Variants in CDH26 observed in about 807,000 individuals in gnomAD.
CDH26 encodes the protein cadherin 26, also known as cadherin-like protein 26.
CDH26 carries 83 observed loss-of-function variants against 90.3 expected under a neutral mutation model. The observed-to-expected ratio is 0.92, with a 90% CI of 0.77 to 1.10. The LOEUF is 1.10. CDH26 is among the 50% of genes least tolerant of loss of function. The probability of loss-of-function intolerance (pLI) is 0.00; values close to 1 mark genes in which losing one functional copy is unlikely to be tolerated. For synonymous variants in CDH26, 397 were observed against 396.3 expected, an observed-to-expected ratio of 1.00 and a Z score of -0.02; for missense variants, 1,013 against 1,037.6, an observed-to-expected ratio of 0.98 and a Z score of 0.33.
In CDH26 at chr20:59,994,317, G is replaced by A. The variant is rs746487615; in HGVS notation, c.1494G>A (p.Pro498=). The change falls in exon 11 of 18, where the codon CCG becomes CCA. Residue 498 remains proline (P), a synonymous_variant. Coordinates refer to ENST00000348616, the MANE Select transcript of CDH26 (RefSeq NM_177980.4). ...LFLSDINDNV[P]TLRPRSRYME... ...TGTCTGACATCAATGACAACGTCCC[G>A]ACTCTCCGGCCACGTTCCCGCTACA... 6.2e-6 allele frequency: 10 copies of A among 1,613,702 alleles called. No individual in the cohort carries two copies. The East Asian group carries it at 1.3e-4, about 22-fold the overall frequency.
intron 15 of CDH26, among the ~76,000 whole-genome samples, chr20:60,002,397 C>A (rs539745349): frequency 2.6e-5 from 4 of 151,872 alleles, no homozygotes; most frequent in Middle Eastern, 3.4e-3. Flanking sequence ...CTCTAAAGAA[C>A]CTCTGCTTGG....
chr20:60,012,647 T>G lies in CDH26; in HGVS notation c.2416T>G (p.Leu806Val). Reference protein sequence around the residue: ...LSSLASLEQELQPDLLDSLGS... With the variant: ...LSSLASLEQEVQPDLLDSLGS... ...CTCTCTGGCCAGCTTGGAACAGGAG[T>G]TGCAACCTGATTTGCTGGACTCTTT... Residue 806 changes from leucine to valine, a missense_variant, in exon 18 of 18, where the codon TTG becomes GTG. By Grantham distance (32) the Leu-to-Val change is conservative. Coordinates refer to ENST00000348616, the MANE Select transcript of CDH26 (RefSeq NM_177980.4). 6.2e-7 allele frequency: 1 copy of G among 1,613,926 alleles called. No homozygotes were observed. The highest frequency in any genetic ancestry group is 8.5e-7 in the Non-Finnish European group (1 of 1,179,980).
chr20:59,972,832 A>G (rs564765363), intron 4 of CDH26, among the ~76,000 whole-genome samples: 1 of 152,322 alleles, frequency 6.6e-6, no homozygotes, highest in East Asian at 1.9e-4. Context: ...GTTGATTAAC[A>G]TTCAAGAAAA....
rs748686551 is a variant in CDH26, at chr20:60,012,568, C to T, written c.2337C>T (p.Tyr779=). 6.2e-7 allele frequency: 1 copy of T among 1,614,150 alleles called. No individual in the cohort carries two copies. Among genetic ancestry groups the T allele is most frequent in the Admixed American group, 1.7e-5 (1 of 60,016 alleles). ...ATGTGCTGGAAGATGACCCCGGCTA[C>T]CTACCTCACGTCTACAGCGAGGAAG... The part of the protein sequence containing the change: ...VANVLEDDPG[Y]LPHVYSEEGE... The change falls in exon 18 of 18, where the codon TAC becomes TAT. Residue 779 remains tyrosine (Y), a synonymous_variant. Coordinates refer to ENST00000348616, the MANE Select transcript of CDH26 (RefSeq NM_177980.4).
chr20:59,968,045 C>A (rs1307952536), intron 1 of CDH26, among the ~76,000 whole-genome samples: 1 of 129,138 alleles, frequency 7.7e-6, no homozygotes, highest in African/African-American at 4.0e-5. Flanking sequence ...CTCTCTCTCT[C>A]TCTCTCTGTC....
intron 4 of CDH26, among the ~76,000 whole-genome samples, chr20:59,978,729 A>C (rs1170492606): frequency 6.6e-6 from 1 of 152,126 alleles, no homozygotes; most frequent in Non-Finnish European, 1.5e-5. Context: ...ATTTTGTACA[A>C]TATATGAAAA....
intron 13 of CDH26, among the ~76,000 whole-genome samples, chr20:59,998,268 G>C (rs984187816): frequency 1.3e-5 from 2 of 152,194 alleles, no homozygotes; most frequent in Non-Finnish European, 1.5e-5. Flanking sequence ...GAGGGAGAGA[G>C]TGAAAGCTGC....
At chr20:60,000,503 G>T (rs748123426) in intron 14 of CDH26, among the ~76,000 whole-genome samples, 14 of 152,210 alleles carry the variant, frequency 9.2e-5, no homozygotes, top group Non-Finnish European at 1.9e-4. Context: ...TTGCCTCCTG[G>T]GCTGGCGAGA....
chr20:60,014,866 G>A (rs1223314911), downstream of CDH26, among the ~76,000 whole-genome samples: 1 of 152,138 alleles, frequency 6.6e-6, no homozygotes, highest in East Asian at 1.9e-4. Flanking sequence ...GAGTTTTTGA[G>A]GAACCTCCAT....
chr20:59,967,813 ATTTCTTTCTTTCTTTCTTTC>A lies in CDH26; in HGVS notation c.70-1107_70-1088del, dbSNP rs1204879152. 4.9e-3 allele frequency among the ~76,000 whole-genome samples: 216 copies of A among 44,034 alleles called. 3 individuals carry two copies. The highest frequency in any genetic ancestry group is 0.013 in the African/African-American group (149 of 11,594). 28.9% of individuals were successfully genotyped at this position (44,034 alleles called of 152,430 possible). A position where few individuals can be genotyped will look rare whatever the true frequency, so the allele number is the denominator to read the frequency against. The stretch of plus-strand genomic sequence containing the variant: ...CCTTCCCTCCCTCCCTCCCTCCCTC[ATTTCTTTCTTTCTTTCTTTC>A]TTTCTTTCTTTCTTTCTTTCTTTCT... On this transcript the variant is annotated intron_variant, in intron 1 of 17. Coordinates refer to ENST00000348616, the MANE Select transcript of CDH26 (RefSeq NM_177980.4).
chr20:59,992,662 AT>A lies in CDH26; in HGVS notation c.1426+147del. The A allele has an allele frequency of 1.2e-6, 1 of 812,656 alleles. No homozygotes were observed. The highest frequency in any genetic ancestry group is 1.9e-6 in the Non-Finnish European group (1 of 522,118). The allele number at this position is 812,656 out of a possible 1,614,324, so 50.3% of individuals were successfully genotyped here. ...TCACTCTGCATCCATGCTGGTGATT[AT>A]TTTTGGTAATAATTCTTAAAATGGT... is the stretch of plus-strand genomic sequence containing the variant. On this transcript the variant is annotated intron_variant, in intron 10 of 17. Coordinates refer to ENST00000348616, the MANE Select transcript of CDH26 (RefSeq NM_177980.4). The surrounding 1 kb of genome is among the most constrained non-coding windows in gnomAD (Gnocchi z 5.0).
At chr20:59,983,869 C>T (rs1252095914) in intron 5 of CDH26, among the ~76,000 whole-genome samples, 2 of 152,034 alleles carry the variant, frequency 1.3e-5, no homozygotes, top group African/African-American at 2.4e-5. Flanking sequence ...CTGTTTGTAA[C>T]CTGATATTTT....
chr20:60,027,811 T>C (rs1249169987), intron 7 of CDH26, among the ~76,000 whole-genome samples: 1 of 152,250 alleles, frequency 6.6e-6, no homozygotes, highest in Non-Finnish European at 1.5e-5. Context: ...TTTGATTTTA[T>C]TTAATTTTAA....
chr20:59,996,161 G>C, intron 12 of CDH26, 107 bp downstream of exon 12: 3 of 1,180,814 alleles, frequency 2.5e-6, no homozygotes, highest in East Asian at 2.6e-5. Context: ...AGGATTGGTG[G>C]AATGGCTTTG....
At position 60,012,592 on chromosome 20, in the gene CDH26, A is replaced by C; in HGVS notation, c.2361A>C (p.Glu787Asp). Reference protein sequence around the residue: ...PGYLPHVYSEEGECGGAPSLS... With the variant: ...PGYLPHVYSEDGECGGAPSLS... ...ACCTACCTCACGTCTACAGCGAGGA[A>C]GGGGAGTGTGGAGGGGCCCCATCCC... The change falls in exon 18 of 18, where the codon GAA becomes GAC. Residue 787 changes from glutamate to aspartate, a missense_variant. Transcript: ENST00000348616. 1.3e-6 allele frequency: 2 copies of C among 1,549,792 alleles called. No individual in the cohort carries two copies. The highest frequency in any genetic ancestry group is 1.8e-6 in the Non-Finnish European group (2 of 1,139,126).
intron 12 of CDH26, 76 bp from the exon 13 acceptor site, chr20:59,996,555 A>G (rs1201597546): frequency 6.2e-7 from 1 of 1,614,202 alleles, no homozygotes; most frequent in Non-Finnish European, 8.5e-7. Flanking sequence ...TTATACATGA[A>G]CAGAACAAGA....
chr20:59,994,306 G>T lies in CDH26; in HGVS notation c.1483G>T (p.Asp495Tyr). Residue 495 changes from aspartate to tyrosine, a missense_variant, in exon 11 of 18, where the codon GAC becomes TAC. Asp to Tyr is a radical substitution (Grantham distance 160). Transcript: ENST00000348616. ...AATGCTCTTCCTGTCTGACATCAAT[G>T]ACAACGTCCCGACTCTCCGGCCACG... Reference protein sequence around the residue: ...TLMLFLSDINDNVPTLRPRSR... With the variant: ...TLMLFLSDINYNVPTLRPRSR... The T allele has an allele frequency of 1.9e-6, 3 of 1,613,822 alleles. No individual in the cohort carries two copies. The highest frequency in any genetic ancestry group is 1.7e-6 in the Non-Finnish European group (2 of 1,179,982).
chr20:59,989,110 G>A lies in CDH26; in HGVS notation c.1230G>A (p.Arg410=), dbSNP rs2061495148. 1.2e-6 allele frequency: 2 copies of A among 1,614,234 alleles called. No homozygotes were observed. Among genetic ancestry groups the A allele is most frequent in the Non-Finnish European group, 1.7e-6 (2 of 1,180,046 alleles). Reference sequence around the variant, plus strand: ...TTGTCAATAAAGAGGAGGGCGCCAGGCCTGGGACCCTGTTGGGAACTTTTA... The same window carrying A: ...TTGTCAATAAAGAGGAGGGCGCCAGACCTGGGACCCTGTTGGGAACTTTTA... ...SFIVNKEEGA[R]PGTLLGTFNA... is the part of the protein sequence containing the mutation. Residue 410 remains arginine (R), a synonymous_variant, in exon 9 of 18, where the codon AGG becomes AGA. Coordinates refer to ENST00000348616, the MANE Select transcript of CDH26 (RefSeq NM_177980.4).
Position 59,958,505 on chromosome 20 carries a change from G to A in CDH26, c.-222G>A, listed in dbSNP as rs758760930. On this transcript the variant is annotated 5_prime_UTR_variant, in exon 1 of 18. Coordinates refer to ENST00000348616, the MANE Select transcript of CDH26 (RefSeq NM_177980.4). ...CCTAGGAACTCTACTTGTGGCAAAC[G>A]TATGTTCAAGCTTACAAGTCAGCCC... is the stretch of plus-strand genomic sequence containing the variant. 40 of 571,692 alleles carry A rather than the reference G, an allele frequency of 7.0e-5. No homozygotes were observed. Among genetic ancestry groups the A allele is most frequent in the Non-Finnish European group, 1.0e-4 (32 of 318,216 alleles). The allele number at this position is 571,692 out of a possible 1,614,324, so 35.4% of individuals were successfully genotyped here. A position where few individuals can be genotyped will look rare whatever the true frequency, so the allele number is the denominator to read the frequency against.
Sources: allele counts gnomAD v4.1 joint callset (sites outside exome capture counted in the v4.1 genomes callset), GRCh38; gene constraint gnomAD v4.1.1; non-coding constraint Gnocchi (gnomAD v3.1); transcripts MANE v1.5; gene names NCBI Gene and HGNC (gene_info 2026-07-23, HGNC 2026-07-21).